AMMECR1: variants seen among roughly 807,000 people sequenced by gnomAD.
AMMECR1 encodes the protein nuclear protein AMMECR1.
A neutral mutation model predicts 22.5 loss-of-function variants in AMMECR1; 3 were observed. The observed-to-expected ratio is 0.13, with a 90% CI of 0.06 to 0.35. The LOEUF is 0.35. AMMECR1 is among the 10% of genes least tolerant of loss of function. The pLI is 1.00. For missense variants in AMMECR1, 235 were observed against 278.7 expected (o/e 0.84, Z 1.12); for synonymous variants, 130 against 116.7 (o/e 1.11, Z -0.74).
At chrX:110,381,757 A>G (rs1569418786) in intron 2 of AMMECR1, among the ~76,000 whole-genome samples, 1 of 111,223 alleles carries the variant, frequency 9.0e-6, no homozygotes, top group Non-Finnish European at 1.9e-5. Context: ...GAACAAAATC[A>G]TGTCCTTTAT....
In AMMECR1 at chrX:110,317,505, C is replaced by T. The variant is rs1396758338; in HGVS notation, c.473+94G>A. ...GACCCGGGCAGCGAGAGGGCAGGGG[C>T]ATCCGCCGGCCGGGAGGCGGACTCG... On this transcript the variant is annotated intron_variant, in intron 1 of 5. Transcript: ENST00000262844. The T allele has an allele frequency of 5.5e-6, 6 of 1,081,640 alleles. No individual in the cohort carries two copies. The East Asian group carries it at 2.0e-4, about 37-fold the overall frequency. The allele number at this position is 1,081,640 out of a possible 1,213,427, so 89.1% of individuals were successfully genotyped here.
At chrX:110,260,038 T>G (rs1198893689) in intron 2 of AMMECR1, among the ~76,000 whole-genome samples, 2 of 111,962 alleles carry the variant, frequency 1.8e-5, no homozygotes, top group Non-Finnish European at 1.9e-5. Flanking sequence ...GGAAATTATC[T>G]CCTTCAGCTC....
chrX:110,411,898 C>A (rs1327148619), intron 2 of AMMECR1, among the ~76,000 whole-genome samples: 1 of 112,232 alleles, frequency 8.9e-6, no homozygotes, highest in Non-Finnish European at 1.9e-5. Context: ...TAGACTGGTG[C>A]CTGGCATACA....
intron 2 of AMMECR1, among the ~76,000 whole-genome samples, chrX:110,371,104 A>G (rs1233755955): frequency 2.7e-5 from 3 of 111,458 alleles, no homozygotes; most frequent in Non-Finnish European, 3.8e-5. Context: ...TTAAAAATAG[A>G]CTATTTTTTA....
At chrX:110,367,973 AATTATTATTATTATTATTATT>A (rs201193443) in intron 2 of AMMECR1, among the ~76,000 whole-genome samples, 1 of 85,333 alleles carries the variant, frequency 1.2e-5, no homozygotes, top group Non-Finnish European at 2.3e-5. Flanking sequence ...AGTGCTGGCT[AATTATTATTATTATTATTATT>A]ATTATTATTA....
At chrX:110,427,977 G>A (rs2068766715) in intron 1 of AMMECR1, among the ~76,000 whole-genome samples, 1 of 111,787 alleles carries the variant, frequency 8.9e-6, no homozygotes, top group Admixed American at 9.4e-5. Context: ...TTCCCCGCCT[G>A]TCCAGTCTGG....
intron 2 of AMMECR1, among the ~76,000 whole-genome samples, chrX:110,224,707 G>A (rs971794482): frequency 9.0e-6 from 1 of 111,218 alleles, no homozygotes; most frequent in Non-Finnish European, 1.9e-5. Flanking sequence ...TACTTCTGTA[G>A]AAGAAATGTT....
chrX:110,279,833 A>G (rs1460302185), intron 1 of AMMECR1, among the ~76,000 whole-genome samples: 1 of 112,056 alleles, frequency 8.9e-6, no homozygotes, highest in Non-Finnish European at 1.9e-5. Context: ...CCAGGTTTCT[A>G]TTGCTGAAAA....
At chrX:110,388,505 C>A (rs931961770) in intron 2 of AMMECR1, among the ~76,000 whole-genome samples, 8 of 111,646 alleles carry the variant, frequency 7.2e-5, no homozygotes, top group African/African-American at 2.6e-4. Flanking sequence ...TAGGATGTAC[C>A]TTACTTTGTC....
At chrX:110,341,882 G>A (rs1230402013) in intron 2 of AMMECR1, among the ~76,000 whole-genome samples, 3 of 111,259 alleles carry the variant, frequency 2.7e-5, no homozygotes, top group Non-Finnish European at 5.7e-5. Flanking sequence ...AGGCCACATG[G>A]TGAAACCTTG....
intron 2 of AMMECR1, among the ~76,000 whole-genome samples, chrX:110,248,221 C>A (rs7886480): frequency 9.1e-6 from 1 of 109,954 alleles, no homozygotes; most frequent in Non-Finnish European, 1.9e-5. Context: ...CCTGTCTCTA[C>A]AAAAATTATA....
Position 110,362,686 on chromosome X carries a change from A to C in AMMECR1, c.-147-44837T>G, listed in dbSNP as rs950004995. On this transcript the variant is annotated intron_variant, in intron 2 of 7. Transcript: ENST00000372057. Reference sequence around the variant, plus strand: ...AAATATGATAAATGAAGTATTTACCAGTTCTTACTGACTGTTCTTTCATAC... The same window carrying C: ...AAATATGATAAATGAAGTATTTACCCGTTCTTACTGACTGTTCTTTCATAC... 4.5e-5 allele frequency among the ~76,000 whole-genome samples: 5 copies of C among 112,082 alleles called. No homozygotes were observed. The East Asian group carries it at 1.4e-3, about 31-fold the overall frequency.
intron 1 of AMMECR1, among the ~76,000 whole-genome samples, chrX:110,265,165 G>A (rs776625929): frequency 3.6e-5 from 4 of 111,624 alleles, no homozygotes; most frequent in Non-Finnish European, 5.7e-5. Flanking sequence ...GCCAGTATAA[G>A]AGGCAGGCAT....
chrX:110,387,850 CCT>C (rs1317483103), intron 2 of AMMECR1, among the ~76,000 whole-genome samples: 3 of 104,560 alleles, frequency 2.9e-5, no homozygotes, highest in African/African-American at 1.1e-4. Flanking sequence ...TCGTTATCTC[CCT>C]CTCTCTTTTT....
At chrX:110,293,038 G>T (rs1000211517) in intron 1 of AMMECR1, among the ~76,000 whole-genome samples, 2 of 111,984 alleles carry the variant, frequency 1.8e-5, no homozygotes, top group Non-Finnish European at 3.8e-5. Context: ...CTACAAAATT[G>T]ATTGTTAACT....
intron 2 of AMMECR1, among the ~76,000 whole-genome samples, chrX:110,255,782 T>C (rs910823701): frequency 8.9e-6 from 1 of 112,250 alleles, no homozygotes; most frequent in African/African-American, 3.2e-5. Flanking sequence ...AATAACATGC[T>C]AATCTAATCT....
intron 5 of AMMECR1, among the ~76,000 whole-genome samples, chrX:110,199,613 T>G (rs904716571): frequency 2.7e-5 from 3 of 111,434 alleles, no homozygotes; most frequent in African/African-American, 9.8e-5. Context: ...GTCCCTTTTA[T>G]CTAGATTAAC....
intron 3 of AMMECR1, among the ~76,000 whole-genome samples, chrX:110,205,900 G>A (rs1378987902): frequency 8.9e-6 from 1 of 111,966 alleles, no homozygotes; most frequent in Non-Finnish European, 1.9e-5. Flanking sequence ...CCAGTTCAAC[G>A]GATTCATATT....
At chrX:110,301,241 G>A (rs1200401237) in intron 1 of AMMECR1, among the ~76,000 whole-genome samples, 1 of 112,428 alleles carries the variant, frequency 8.9e-6, no homozygotes, top group Non-Finnish European at 1.9e-5. Flanking sequence ...GTCAGCTAAT[G>A]ATCGACATAT....
Sources: gnomAD v4.1 joint callset for allele counts (sites outside exome capture counted in the v4.1 genomes callset) on GRCh38, gnomAD v4.1.1 for gene constraint, MANE v1.5 for transcripts, NCBI Gene and HGNC (gene_info 2026-07-23, HGNC 2026-07-21) for gene names.